HDAC9: variants seen among roughly 807,000 people sequenced by gnomAD.
HDAC9 encodes histone deacetylase 9.
In HDAC9, 41 loss-of-function variants were observed where a neutral mutation model predicts 139.4. The ratio of observed to expected loss-of-function variants is 0.29; its 90% CI spans 0.23 to 0.38. The LOEUF (loss-of-function observed/expected upper bound fraction) is 0.38, where lower values mean the gene tolerates loss of function less well. Among genes scored for constraint, HDAC9 ranks in the 10% least tolerant of loss-of-function variants. The pLI is 1.00. For synonymous variants in HDAC9, 517 were observed against 476.2 expected (o/e 1.09, Z -1.12); for missense variants, 1,147 against 1,297.0 (o/e 0.88, Z 1.78).
At chr7:18,297,493 A>G (rs1798230263) in intron 1 of HDAC9, among the ~76,000 whole-genome samples, 1 of 152,202 alleles carries the variant, frequency 6.6e-6, no homozygotes, top group African/African-American at 2.4e-5. Flanking sequence ...AATCCATCCT[A>G]CAGGCATAGA....
At chr7:18,718,395 C>T (rs940529292) in intron 12 of HDAC9, among the ~76,000 whole-genome samples, 4 of 152,002 alleles carry the variant, frequency 2.6e-5, no homozygotes, top group African/African-American at 9.7e-5. Context: ...CCACGCCTCG[C>T]TAATTTTTTT....
chr7:18,878,712 T>A (rs1799505637), intron 22 of HDAC9, among the ~76,000 whole-genome samples: 1 of 151,514 alleles, frequency 6.6e-6, no homozygotes, highest in African/African-American at 2.4e-5. Flanking sequence ...TTATACTGAA[T>A]GGGCAAAGGT....
chr7:18,565,830 A>G (rs976197139), intron 2 of HDAC9, among the ~76,000 whole-genome samples: 1 of 151,910 alleles, frequency 6.6e-6, no homozygotes, highest in South Asian at 2.1e-4. Flanking sequence ...GTATTCTAAG[A>G]TATTTATAAT....
At chr7:18,481,399 G>A (rs540129495) in intron 1 of HDAC9, among the ~76,000 whole-genome samples, 3 of 152,132 alleles carry the variant, frequency 2.0e-5, no homozygotes, top group East Asian at 1.9e-4. Flanking sequence ...TGTTTCCTTC[G>A]TGGTGTTCAA....
At chr7:18,864,621 AAAAGG>A in intron 21 of HDAC9, among the ~76,000 whole-genome samples, 1 of 152,158 alleles carries the variant, frequency 6.6e-6, no homozygotes, top group African/African-American at 2.4e-5. Context: ...TTAAAAAAAA[AAAAGG>A]AAAGAAAAAA....
intron 12 of HDAC9, among the ~76,000 whole-genome samples, chr7:18,718,221 T>A (rs1228978178): frequency 6.6e-6 from 1 of 152,066 alleles, no homozygotes; most frequent in African/African-American, 2.4e-5. Flanking sequence ...TTGTATGGTA[T>A]GTGTTTTTTT....
At chr7:18,421,600 G>T (rs1377610049) in intron 1 of HDAC9, among the ~76,000 whole-genome samples, 4 of 152,192 alleles carry the variant, frequency 2.6e-5, no homozygotes, top group African/African-American at 9.6e-5. Context: ...TAACTTTGAA[G>T]CTGGGAGACA....
intron 1 of HDAC9, among the ~76,000 whole-genome samples, chr7:18,435,059 CAAAAAAAAA>C (rs376786180): frequency 8.8e-5 from 6 of 67,810 alleles, no homozygotes; most frequent in Admixed American, 2.1e-4. Context: ...ACTACACAGC[CAAAAAAAAA>C]AAAAAAAAAA....
At chr7:18,842,162 A>G (rs1043895730) in intron 21 of HDAC9, among the ~76,000 whole-genome samples, 2 of 152,126 alleles carry the variant, frequency 1.3e-5, no homozygotes, top group Admixed American at 6.6e-5. Flanking sequence ...CAGTCTTGCA[A>G]TGGATTCTCA....
At chr7:18,801,717 G>A (rs1308724078) in intron 17 of HDAC9, among the ~76,000 whole-genome samples, 1 of 151,992 alleles carries the variant, frequency 6.6e-6, no homozygotes, top group African/African-American at 2.4e-5. Context: ...TGTTATTTAG[G>A]AAGATTTGTA....
intron 2 of HDAC9, among the ~76,000 whole-genome samples, chr7:18,274,261 C>T (rs534047979): frequency 6.6e-6 from 1 of 152,232 alleles, no homozygotes; most frequent in East Asian, 1.9e-4. Context: ...TTATTTGGCT[C>T]TCAATTCAAG....
chr7:18,793,228 T>A, intron 16 of HDAC9, 117 bp from the exon 17 acceptor site: 1 of 703,730 alleles, frequency 1.4e-6, no homozygotes, highest in Admixed American at 2.1e-5. Context: ...CCTCACAGAT[T>A]TGCTTTCTCT....
chr7:18,376,662 G>A (rs141583530), intron 1 of HDAC9, among the ~76,000 whole-genome samples: 1 of 152,166 alleles, frequency 6.6e-6, no homozygotes, highest in East Asian at 2.0e-4. Flanking sequence ...AATTGAGAAA[G>A]AGCTATCAGA....
intron 1 of HDAC9, among the ~76,000 whole-genome samples, chr7:18,412,245 A>G (rs144069481): frequency 1.1e-4 from 16 of 152,286 alleles, no homozygotes; most frequent in African/African-American, 3.8e-4. Context: ...ATGTTATTTA[A>G]GAATAGGTTA....
At chr7:18,567,802 T>A (rs1465869492) in intron 2 of HDAC9, among the ~76,000 whole-genome samples, 2 of 151,974 alleles carry the variant, frequency 1.3e-5, no homozygotes, top group Non-Finnish European at 2.9e-5. Flanking sequence ...CTTGTAGTAT[T>A]ATTATTGCAG....
chr7:18,523,610 GT>G (rs1362915472), intron 2 of HDAC9, among the ~76,000 whole-genome samples: 1 of 152,152 alleles, frequency 6.6e-6, no homozygotes, highest in African/African-American at 2.4e-5. Flanking sequence ...AATCTACACT[GT>G]TTGCACATGT....
chr7:18,596,330 A>G (rs1002502014), intron 6 of HDAC9, among the ~76,000 whole-genome samples: 2 of 152,122 alleles, frequency 1.3e-5, no homozygotes, highest in Non-Finnish European at 2.9e-5. Context: ...GATGCTTTCT[A>G]TACTCTATCT....
chr7:18,751,191 T>C (rs1562912567), intron 14 of HDAC9, among the ~76,000 whole-genome samples: 1 of 152,156 alleles, frequency 6.6e-6, no homozygotes, highest in Non-Finnish European at 1.5e-5. Flanking sequence ...CAATTCAGTT[T>C]GTATAGCACT....
intron 2 of HDAC9, among the ~76,000 whole-genome samples, chr7:18,240,866 T>G (rs1794144044): frequency 6.6e-6 from 1 of 152,208 alleles, no homozygotes; most frequent in Non-Finnish European, 1.5e-5. Flanking sequence ...TGCATTTCCC[T>G]TTATCTCTTC....
Sources: gnomAD v4.1 joint callset for allele counts (sites outside exome capture counted in the v4.1 genomes callset) on GRCh38, gnomAD v4.1.1 for gene constraint, MANE v1.5 for transcripts, NCBI Gene and HGNC (gene_info 2026-07-23, HGNC 2026-07-21) for gene names.